UTRN: variants seen among roughly 807,000 people sequenced by gnomAD.
The protein encoded by UTRN is utrophin.
A neutral mutation model predicts 463.9 loss-of-function variants in UTRN; 283 were observed. The observed-to-expected ratio is 0.61, with a 90% CI of 0.55 to 0.67. The LOEUF (loss-of-function observed/expected upper bound fraction) is 0.67, where lower values mean the gene tolerates loss of function less well. Ranked by LOEUF, UTRN falls within the 30% of genes least tolerant of loss-of-function variation. The probability of loss-of-function intolerance (pLI) is 0.00; values close to 1 mark genes in which losing one functional copy is unlikely to be tolerated. For synonymous variants in UTRN, 1,442 were observed against 1,431.5 expected, an observed-to-expected ratio of 1.01 and a Z score of -0.17; for missense variants, 3,922 against 4,084.3, an observed-to-expected ratio of 0.96 and a Z score of 1.08.
At chr6:144,730,841 A>G (rs1476058723) in intron 54 of UTRN, among the ~76,000 whole-genome samples, 1 of 151,384 alleles carries the variant, frequency 6.6e-6, no homozygotes, top group African/African-American at 2.4e-5. Flanking sequence ...AGTTATTAAA[A>G]TATAATAAAT....
At chr6:144,458,734 A>G in intron 19 of UTRN, 36 bp from the exon 20 acceptor site, 1 of 1,549,622 alleles carries the variant, frequency 6.5e-7, no homozygotes, top group Non-Finnish European at 8.7e-7. Context: ...ATTTTGTAAT[A>G]TATAGACTGT....
intron 39 of UTRN, among the ~76,000 whole-genome samples, chr6:144,520,806 TA>T (rs1346201287): frequency 6.6e-6 from 1 of 152,202 alleles, no homozygotes; most frequent in Non-Finnish European, 1.5e-5. Context: ...TATCATTTTT[TA>T]GAAGTTCAAC....
At chr6:144,421,365 A>T (rs1368477976) in intron 3 of UTRN, among the ~76,000 whole-genome samples, 4 of 152,084 alleles carry the variant, frequency 2.6e-5, no homozygotes, top group Admixed American at 6.5e-5. Flanking sequence ...GGATTTAAAA[A>T]TTTCTGTATT....
chr6:144,796,428 A>G (rs1463652257), intron 63 of UTRN, among the ~76,000 whole-genome samples: 4 of 152,186 alleles, frequency 2.6e-5, no homozygotes, highest in East Asian at 1.9e-4. Context: ...GAACATCATA[A>G]CTACTTTAAT....
intron 53 of UTRN, among the ~76,000 whole-genome samples, chr6:144,722,759 C>T (rs548528142): frequency 6.6e-6 from 1 of 152,026 alleles, no homozygotes; most frequent in Non-Finnish European, 1.5e-5. Context: ...TATTGGAGAG[C>T]AATTAGAGAC....
At chr6:144,812,889 A>T (rs1323687920) in intron 65 of UTRN, among the ~76,000 whole-genome samples, 1 of 152,282 alleles carries the variant, frequency 6.6e-6, no homozygotes, top group South Asian at 2.1e-4. Flanking sequence ...TTCTTATTAT[A>T]CAGGTAAGTT....
Position 144,367,623 on chromosome 6 carries a change from A to C in UTRN, c.80-35500A>C, listed in dbSNP as rs564607380. Reference sequence around the variant, plus strand: ...CGATAGCATAGTAACCTACTAGGTTAGATACTGCCTGAATCTTTTGTTCTT... The same window carrying C: ...CGATAGCATAGTAACCTACTAGGTTCGATACTGCCTGAATCTTTTGTTCTT... On this transcript the variant is annotated intron_variant, in intron 2 of 74. Coordinates refer to ENST00000367545, the MANE Select transcript of UTRN (RefSeq NM_007124.3). Among the ~76,000 whole-genome samples the C allele has an allele frequency of 2.5e-3, 385 of 152,344 alleles. 1 individual carries two copies. Among genetic ancestry groups the C allele is most frequent in the Non-Finnish European group, 3.6e-3 (242 of 68,038 alleles).
chr6:144,550,388 C>G (rs1362633196), intron 47 of UTRN, among the ~76,000 whole-genome samples: 3 of 152,156 alleles, frequency 2.0e-5, no homozygotes, highest in African/African-American at 7.2e-5. Flanking sequence ...GTCATTAGTT[C>G]TGTACTGAAA....
chr6:144,450,941 T>C (rs1478722267), intron 17 of UTRN, among the ~76,000 whole-genome samples: 1 of 152,088 alleles, frequency 6.6e-6, no homozygotes, highest in Non-Finnish European at 1.5e-5. Flanking sequence ...GGTGAAACTC[T>C]GTCTCTACTA....
intron 2 of UTRN, among the ~76,000 whole-genome samples, chr6:144,324,035 T>A (rs1275967417): frequency 1.3e-5 from 2 of 152,242 alleles, no homozygotes; most frequent in Non-Finnish European, 2.9e-5. Context: ...TGAGAATTGC[T>A]ATCTGTTTTC....
rs2128560436 is a variant in UTRN, at chr6:144,459,203, C to T, written c.2556C>T (p.His852=). The T allele has an allele frequency of 1.2e-6, 2 of 1,613,120 alleles. No individual in the cohort carries two copies. ...QRELTNLLGL[H]PKIEMARASC... is the part of the protein sequence containing the mutation. ...AATTGACAAATCTTCTTGGCCTTCA[C>T]CCCAAAATTGAAATGGCTCGTGCAA... The change falls in exon 21 of 75, where the codon CAC becomes CAT. Residue 852 remains histidine (H), a synonymous_variant. Transcript: ENST00000367545.
intron 34 of UTRN, among the ~76,000 whole-genome samples, chr6:144,500,578 C>T (rs567016253): frequency 9.9e-5 from 15 of 152,192 alleles, no homozygotes; most frequent in African/African-American, 3.4e-4. Flanking sequence ...CCTAATTCAC[C>T]ACCTTTAAAA....
chr6:144,490,002 T>A, intron 30 of UTRN, 69 bp from the exon 31 acceptor site: 1 of 1,563,470 alleles, frequency 6.4e-7, no homozygotes, highest in Non-Finnish European at 8.6e-7. Flanking sequence ...ATAGAACTTT[T>A]GTATTGTCTC....
intron 2 of UTRN, among the ~76,000 whole-genome samples, chr6:144,364,490 G>A (rs575072048): frequency 8.5e-5 from 13 of 152,246 alleles, no homozygotes; most frequent in African/African-American, 3.1e-4. Context: ...TAGAAGCTCA[G>A]GCACCCACAG....
intron 59 of UTRN, among the ~76,000 whole-genome samples, chr6:144,773,485 A>G (rs1775039506): frequency 2.0e-5 from 3 of 152,216 alleles, no homozygotes; most frequent in African/African-American, 4.8e-5. Flanking sequence ...TTTCTCACCC[A>G]TCATAAGGGT....
At chr6:144,705,274 C>G (rs546385056) in intron 53 of UTRN, among the ~76,000 whole-genome samples, 3 of 152,284 alleles carry the variant, frequency 2.0e-5, no homozygotes, top group East Asian at 3.9e-4. Flanking sequence ...AAGGCTGGCT[C>G]TGTCACTGAT....
chr6:144,398,320 T>C (rs6936691), intron 2 of UTRN: 21,788 of 322,038 alleles, frequency 0.068, 4,579 homozygotes, highest in African/African-American at 0.44. Context: ...TTGTCCTCAA[T>C]AGATTTGCTT....
intron 51 of UTRN, among the ~76,000 whole-genome samples, chr6:144,578,018 C>T (rs1478543610): frequency 2.0e-5 from 3 of 152,120 alleles, no homozygotes; most frequent in African/African-American, 7.2e-5. Flanking sequence ...GCCTGGCCAA[C>T]ATGGTGAAAC....
chr6:144,568,242 T>TA (rs34135671), intron 50 of UTRN, among the ~76,000 whole-genome samples: 26 of 149,678 alleles, frequency 1.7e-4, no homozygotes, highest in Non-Finnish European at 3.1e-4. Context: ...CTGTTTGAAG[T>TA]AAAAAAAAAA....
Sources: allele counts gnomAD v4.1 joint callset (sites outside exome capture counted in the v4.1 genomes callset), GRCh38; gene constraint gnomAD v4.1.1; transcripts MANE v1.5; gene names NCBI Gene and HGNC (gene_info 2026-07-23, HGNC 2026-07-21).